The following RSBN1L variants were observed in gnomAD, a reference collection of about 807,000 sequenced individuals.
The protein encoded by RSBN1L is lysine-specific demethylase RSBN1L.
RSBN1L carries 30 observed loss-of-function variants against 67.7 expected under a neutral mutation model. The ratio of observed to expected loss-of-function variants is 0.44; its 90% CI spans 0.33 to 0.60. The LOEUF is 0.60. Ranked by LOEUF, RSBN1L falls within the 20% of genes least tolerant of loss-of-function variation. The probability of loss-of-function intolerance (pLI) is 0.02; values close to 1 mark genes in which losing one functional copy is unlikely to be tolerated. For missense variants in RSBN1L, 992 were observed against 1,031.7 expected (o/e 0.96, Z 0.53); for synonymous variants, 433 against 387.0 (o/e 1.12, Z -1.39).
chr7:77,710,227 A>G (rs896365392), intron 1 of RSBN1L, among the ~76,000 whole-genome samples: 2 of 152,206 alleles, frequency 1.3e-5, no homozygotes, highest in South Asian at 2.1e-4. Flanking sequence ...TGATAACCAG[A>G]TATCTAAATG....
chr7:77,713,546 C>T (rs111368360), intron 1 of RSBN1L, among the ~76,000 whole-genome samples: 9,174 of 151,382 alleles, frequency 0.061, 378 homozygotes, highest in Middle Eastern at 0.092. Flanking sequence ...TTAGTAGAGA[C>T]GGGGTTTCAC....
In RSBN1L at chr7:77,749,996, C is replaced by A; in HGVS notation, c.1276C>A (p.Pro426Thr). 2 of 1,612,854 alleles carry A rather than the reference C, an allele frequency of 1.2e-6. No homozygotes were observed. The highest frequency in any genetic ancestry group is 1.7e-6 in the Non-Finnish European group (2 of 1,179,106). ...DYFSFNFPNS[P>T]VKMEILGKKD... Reference sequence around the variant, plus strand: ...TTTTTCATTTAATTTTCCCAATTCACCAGTGAAAATGGAGATATTGGGAAA... The same window carrying A: ...TTTTTCATTTAATTTTCCCAATTCAACAGTGAAAATGGAGATATTGGGAAA... Residue 426 changes from proline to threonine, a missense_variant, in exon 3 of 8, where the codon CCA becomes ACA. Physicochemically the swap from Pro to Thr is conservative, Grantham distance 38. Around this residue, in one of 7 missense-constraint regions of RSBN1L, gnomAD observed 63 missense variants for 84.8 expected, o/e 0.74. Coordinates refer to ENST00000334955, the MANE Select transcript of RSBN1L (RefSeq NM_198467.3).
chr7:77,724,461 T>G (rs1791167181), intron 1 of RSBN1L, among the ~76,000 whole-genome samples: 1 of 150,922 alleles, frequency 6.6e-6, no homozygotes, highest in African/African-American at 2.4e-5. Context: ...AGTCTCACTC[T>G]GTTGTCCAGG....
intron 1 of RSBN1L, among the ~76,000 whole-genome samples, chr7:77,725,192 G>T: frequency 7.2e-6 from 1 of 138,900 alleles, no homozygotes; most frequent in East Asian, 2.2e-4. Context: ...GGAAGTAAAT[G>T]AAATAAAAAC....
At chr7:77,709,683 C>A (rs1467582489) in intron 1 of RSBN1L, among the ~76,000 whole-genome samples, 4 of 152,102 alleles carry the variant, frequency 2.6e-5, no homozygotes, top group Non-Finnish European at 5.9e-5. Context: ...CAGCCCCACC[C>A]CCTAATTTTC....
rs543528827 is a variant in RSBN1L at position 77,705,502 on chromosome 7, T to C, written c.586+8447T>C. Among the ~76,000 whole-genome samples, 6 of 144,660 alleles carry C rather than the reference T, an allele frequency of 4.1e-5. No homozygotes were observed. In the South Asian group the frequency reaches 1.1e-3, roughly 26 times the overall value. 94.9% of individuals were successfully genotyped at this position (144,660 alleles called of 152,430 possible). A position where few individuals can be genotyped will look rare whatever the true frequency, so the allele number is the denominator to read the frequency against. On this transcript the variant is annotated intron_variant, in intron 1 of 7. Coordinates refer to ENST00000334955, the MANE Select transcript of RSBN1L (RefSeq NM_198467.3). ...TTGAGGTGACCACTAGGTCTCTCCA[T>C]TGTAATGGTTTTTTTTTTTTTTTTT...
Position 77,778,752 on chromosome 7 carries a change from G to A in RSBN1L, c.2125G>A (p.Gly709Ser), listed in dbSNP as rs1791951821. 1.2e-6 allele frequency: 2 copies of A among 1,614,132 alleles called. No individual in the cohort carries two copies. Among genetic ancestry groups the A allele is most frequent in the Non-Finnish European group, 1.7e-6 (2 of 1,179,992 alleles). The change falls in exon 8 of 8, where the codon GGC becomes AGC. Residue 709 changes from glycine (G) to serine (S), a missense_variant. By Grantham distance (56) the Gly-to-Ser change is moderately conservative. Transcript: ENST00000334955. ...TSQNTATHET[G>S]TSSDSTSSVL... is the part of the protein sequence containing the mutation. ...TCAGAATACAGCTACTCATGAAACA[G>A]GCACATCATCAGATTCCACATCATC...
At chr7:77,770,329 C>T (rs1050743992) in intron 5 of RSBN1L, among the ~76,000 whole-genome samples, 1 of 151,938 alleles carries the variant, frequency 6.6e-6, no homozygotes. Context: ...GAACCCAGAT[C>T]GCTTCACTGC....
chr7:77,743,691 G>A (rs1426766220), intron 2 of RSBN1L, among the ~76,000 whole-genome samples: 2 of 152,026 alleles, frequency 1.3e-5, no homozygotes, highest in African/African-American at 2.4e-5. Flanking sequence ...CTCAAATGAA[G>A]TTTTATTCAT....
rs562409693 is a variant in RSBN1L, at chr7:77,701,975, G to C, written c.586+4920G>C. Among the ~76,000 whole-genome samples the C allele has an allele frequency of 3.4e-5, 5 of 146,176 alleles. No homozygotes were observed. In the South Asian group the frequency reaches 1.1e-3, roughly 32 times the overall value. On this transcript the variant is annotated intron_variant, in intron 1 of 7. Transcript: ENST00000334955. ...GCCTTGACTGAATTTTAAAGTTTTA[G>C]CTTTTGTTTTTTTGAGACGGTCTTG...
chr7:77,711,322 AT>A (rs200143722), intron 1 of RSBN1L, among the ~76,000 whole-genome samples: 20,016 of 138,582 alleles, frequency 0.14, 1,407 homozygotes, highest in African/African-American at 0.2. Flanking sequence ...TTGCATATTA[AT>A]TTTTTTTTTT....
At chr7:77,722,232 T>C (rs116929257) in intron 1 of RSBN1L, among the ~76,000 whole-genome samples, 2,788 of 152,112 alleles carry the variant, frequency 0.018, 38 homozygotes, top group Middle Eastern at 0.071. Flanking sequence ...AGGGGTTGGG[T>C]TGGGAGATTA....
chr7:77,754,849 G>A (rs901984412), intron 3 of RSBN1L, among the ~76,000 whole-genome samples: 2 of 152,096 alleles, frequency 1.3e-5, no homozygotes. Flanking sequence ...AGCCTGGGCA[G>A]CAGAGTGAGA....
chr7:77,723,512 A>C (rs1791150660), intron 1 of RSBN1L, among the ~76,000 whole-genome samples: 1 of 152,140 alleles, frequency 6.6e-6, no homozygotes, highest in Non-Finnish European at 1.5e-5. Flanking sequence ...CTCTTTGCCC[A>C]GACTGGAGTG....
At chr7:77,701,505 A>T (rs760701234) in intron 1 of RSBN1L, among the ~76,000 whole-genome samples, 16 of 152,108 alleles carry the variant, frequency 1.1e-4, no homozygotes, top group Non-Finnish European at 2.4e-4. Context: ...CCCAAAGTAG[A>T]TGTTAAGACG....
At chr7:77,709,048 G>A (rs1448950954) in intron 1 of RSBN1L, among the ~76,000 whole-genome samples, 2 of 152,064 alleles carry the variant, frequency 1.3e-5, no homozygotes, top group African/African-American at 4.8e-5. Flanking sequence ...TGAAATGTAG[G>A]CAGGTACCTT....
chr7:77,754,780 A>G (rs1371621594), intron 3 of RSBN1L, among the ~76,000 whole-genome samples: 1 of 152,196 alleles, frequency 6.6e-6, no homozygotes, highest in African/African-American at 2.4e-5. Flanking sequence ...GCCCAGCCTG[A>G]GCAACATAGC....
intron 6 of RSBN1L, among the ~76,000 whole-genome samples, chr7:77,776,056 CA>C (rs34113834): frequency 2.6e-4 from 39 of 150,108 alleles, no homozygotes; most frequent in Admixed American, 2.3e-3. Flanking sequence ...GACTCCGTCT[CA>C]AAAAAAAAAG....
chr7:77,716,466 T>A (rs1222744314), intron 1 of RSBN1L, among the ~76,000 whole-genome samples: 1 of 150,882 alleles, frequency 6.6e-6, no homozygotes, highest in Non-Finnish European at 1.5e-5. Context: ...CTTTTTTTTT[T>A]TTTCACCATT....
Sources: allele counts gnomAD v4.1 joint callset (sites outside exome capture counted in the v4.1 genomes callset), GRCh38; gene constraint gnomAD v4.1.1; regional missense constraint gnomAD v4.1.1; transcripts MANE v1.5; gene names NCBI Gene and HGNC (gene_info 2026-07-23, HGNC 2026-07-21).